Variants in VLDLR observed in about 807,000 individuals in gnomAD.
VLDLR encodes the protein very low-density lipoprotein receptor.
A neutral mutation model predicts 112.7 loss-of-function variants in VLDLR; 81 were observed. The ratio of observed to expected loss-of-function variants is 0.72; its 90% CI spans 0.60 to 0.86. The LOEUF is 0.86. Among genes scored for constraint, VLDLR ranks in the 40% least tolerant of loss-of-function variants. VLDLR has a pLI of 0.00. For synonymous variants in VLDLR, 436 were observed against 384.8 expected (o/e 1.13, Z -1.56); for missense variants, 1,237 against 1,099.4 (o/e 1.13, Z -1.77).
At chr9:2,646,147 G>T (rs1159949209) in intron 10 of VLDLR, among the ~76,000 whole-genome samples, 187 bp from the exon 11 acceptor site, 1 of 151,664 alleles carries the variant, frequency 6.6e-6, no homozygotes, top group Non-Finnish European at 1.5e-5. Context: ...CCAGCAACTA[G>T]ATAATCTACA....
chr9:2,644,046 T>A, intron 7 of VLDLR, 87 bp downstream of exon 7: 1 of 1,596,572 alleles, frequency 6.3e-7, no homozygotes, highest in Non-Finnish European at 8.6e-7. Context: ...CCGTGATGGC[T>A]AGTTAAACTT....
At chr9:2,630,143 A>G (rs552034843) in intron 1 of VLDLR, among the ~76,000 whole-genome samples, 187 of 152,280 alleles carry the variant, frequency 1.2e-3, no homozygotes, top group African/African-American at 3.3e-3. Flanking sequence ...GCCAGAGCAC[A>G]ATCTTTGTGC....
intron 13 of VLDLR, 152 bp downstream of exon 13, chr9:2,648,499 C>T (rs773788129): frequency 8.6e-6 from 13 of 1,504,054 alleles, no homozygotes; most frequent in Non-Finnish European, 1.2e-5. Context: ...GACACTAAGT[C>T]CCAGAAGCAC....
rs560378116 is a variant in VLDLR, at chr9:2,652,040, A to G, written c.2416+86A>G. The stretch of plus-strand genomic sequence containing the variant: ...TTGTTCATCTGGAGCTACCCCTTTC[A>G]TGGGCCTTTATGCTGTCTAGCATTT... On this transcript the variant is annotated intron_variant, in intron 17 of 18. Transcript: ENST00000382100. 8 of 1,185,074 alleles carry G rather than the reference A, an allele frequency of 6.8e-6. No individual in the cohort carries two copies. The East Asian group carries it at 9.6e-5, about 14-fold the overall frequency. The allele number at this position is 1,185,074 out of a possible 1,614,324, so 73.4% of individuals were successfully genotyped here.
intron 14 of VLDLR, among the ~76,000 whole-genome samples, chr9:2,650,100 C>T (rs977374948): frequency 6.6e-6 from 1 of 152,152 alleles, no homozygotes; most frequent in Non-Finnish European, 1.5e-5. Flanking sequence ...CCTCACCTCC[C>T]TTCCCCACCT....
At chr9:2,637,065 C>T (rs1318888656) in intron 2 of VLDLR, among the ~76,000 whole-genome samples, 1 of 152,128 alleles carries the variant, frequency 6.6e-6, no homozygotes, top group Non-Finnish European at 1.5e-5. Context: ...TATATCTAAT[C>T]AAGATCATTT....
Position 2,655,186 on chromosome 9 carries a change from C to G in VLDLR, c.*1318C>G, listed in dbSNP as rs1195795779. 6.6e-6 allele frequency: 1 copy of G among 152,150 alleles called. No individual in the cohort carries two copies. Among genetic ancestry groups the G allele is most frequent in the Non-Finnish European group, 1.5e-5 (1 of 68,034 alleles). 9.4% of individuals were successfully genotyped at this position (152,150 alleles called of 1,614,324 possible). A position where few individuals can be genotyped will look rare whatever the true frequency, so the allele number is the denominator to read the frequency against. ...ATGAAGAATATAATTGCAATATCAC[C>G]TAAATTTTTATCCTGGCTGGGATGG... On this transcript the variant is annotated 3_prime_UTR_variant, in exon 19 of 19. Transcript: ENST00000382100.
chr9:2,623,744 A>G (rs111865370), intron 1 of VLDLR, among the ~76,000 whole-genome samples: 1,638 of 152,248 alleles, frequency 0.011, 18 homozygotes, highest in Non-Finnish European at 0.017. Flanking sequence ...GAGACTCCAC[A>G]GGCTCTTACG....
In VLDLR at chr9:2,650,390, G is replaced by T. The variant is rs1172010868; in HGVS notation, c.2125G>T (p.Asp709Tyr). ...QPSGKNWCEE[D>Y]MENGGCEYLC... ...ACTAGGTAAAAATTGGTGTGAAGAA[G>T]ACATGGAGAATGGAGGATGTGAATA... The change falls in exon 15 of 19, where the codon GAC (aspartate) becomes TAC (tyrosine). Residue 709 changes from aspartate to tyrosine, a missense_variant. Coordinates refer to ENST00000382100, the MANE Select transcript of VLDLR (RefSeq NM_003383.5). The T allele has an allele frequency of 1.2e-6, 2 of 1,614,052 alleles. No homozygotes were observed. The highest frequency in any genetic ancestry group is 1.7e-6 in the Non-Finnish European group (2 of 1,180,006).
At position 2,646,540 on chromosome 9, in the gene VLDLR, A is replaced by G; in HGVS notation, c.1691A>G (p.Asp564Gly). ...CGAGAGCCTGCCTCCATAGCTGTGG[A>G]CCCACTGTCTGGGTTTGTAGTCTGT... is the stretch of plus-strand genomic sequence containing the variant. ...DLREPASIAV[D>G]PLSGFVYWSD... The change falls in exon 11 of 19, where the codon GAC becomes GGC. Residue 564 changes from aspartate to glycine, a missense_variant. Transcript: ENST00000382100. The G allele has an allele frequency of 6.2e-7, 1 of 1,614,024 alleles. No individual in the cohort carries two copies. Among genetic ancestry groups the G allele is most frequent in the Non-Finnish European group, 8.5e-7 (1 of 1,179,988 alleles).
chr9:2,622,116 G>T lies in VLDLR; in HGVS notation c.-74G>T, dbSNP rs1290815509. 7.2e-7 allele frequency: 1 copy of T among 1,397,182 alleles called. No homozygotes were observed. The highest frequency in any genetic ancestry group is 1.4e-5 in the South Asian group (1 of 71,700). The allele number at this position is 1,397,182 out of a possible 1,614,324, so 86.5% of individuals were successfully genotyped here. Reference sequence around the variant, plus strand: ...CGCCCCCACCTTCTTCCTCCTTTCGGAAGGACTGGTAACTTGTCGTGCGGA... The same window carrying T: ...CGCCCCCACCTTCTTCCTCCTTTCGTAAGGACTGGTAACTTGTCGTGCGGA... On this transcript the variant is annotated 5_prime_UTR_variant, in exon 1 of 19. Coordinates refer to ENST00000382100, the MANE Select transcript of VLDLR (RefSeq NM_003383.5).
In VLDLR at chr9:2,652,640, C is replaced by A. The variant is rs1021022000; in HGVS notation, c.2417-140C>A. 5.0e-6 allele frequency: 6 copies of A among 1,192,932 alleles called. No homozygotes were observed. The African/African-American group carries it at 7.6e-5, about 15-fold the overall frequency. The allele number at this position is 1,192,932 out of a possible 1,614,324, so 73.9% of individuals were successfully genotyped here. ...TTCAAGCTCCTGGCCCATGTGTATTCCAACTTCTAGTTATCCTAGCTCCAT... is the reference window on the plus strand; with the variant it reads ...TTCAAGCTCCTGGCCCATGTGTATTACAACTTCTAGTTATCCTAGCTCCAT... On this transcript the variant is annotated intron_variant, in intron 17 of 18. Coordinates refer to ENST00000382100, the MANE Select transcript of VLDLR (RefSeq NM_003383.5).
At position 2,646,551 on chromosome 9, in the gene VLDLR, G is replaced by C. The variant is rs1436423357; in HGVS notation, c.1702G>C (p.Gly568Arg). 6.2e-7 allele frequency: 1 copy of C among 1,614,052 alleles called. No homozygotes were observed. Residue 568 changes from glycine (G) to arginine (R), a missense_variant and splice_region_variant, in exon 11 of 19, where the codon GGC becomes CGC. Gly to Arg is a moderately radical substitution (Grantham distance 125). Coordinates refer to ENST00000382100, the MANE Select transcript of VLDLR (RefSeq NM_003383.5). The stretch of plus-strand genomic sequence containing the variant: ...CTCCATAGCTGTGGACCCACTGTCT[G>C]GGTTTGTAGTCTGTTTTCCATCACA... ...PASIAVDPLSGFVYWSDWGEP... is the reference protein window; with the variant it reads ...PASIAVDPLSRFVYWSDWGEP...
rs769188234 is a variant in VLDLR at position 2,643,959 on chromosome 9, C to T, written c.1066C>T (p.His356Tyr). The change falls in exon 7 of 19, where the codon CAT becomes TAT. Residue 356 changes from histidine to tyrosine, a missense_variant and splice_region_variant. Coordinates refer to ENST00000382100, the MANE Select transcript of VLDLR (RefSeq NM_003383.5). ...DWSDEPLKECHINECLVNNGG... is the reference protein window; with the variant it reads ...DWSDEPLKECYINECLVNNGG... ...GAGTGATGAGCCCCTGAAAGAGTGT[C>T]GTAAGTGTACTTGTTGTTCAAGTAC... 35 of 1,613,682 alleles carry T rather than the reference C, an allele frequency of 2.2e-5. No individual in the cohort carries two copies. Among genetic ancestry groups the T allele is most frequent in the Middle Eastern group, 1.6e-4 (1 of 6,084 alleles).
Position 2,621,818 on chromosome 9 carries a change from G to GCTCCGCTACCGGCTC in VLDLR, c.-368_-354dup. 1 of 498,762 alleles carries GCTCCGCTACCGGCTC rather than the reference G, an allele frequency of 2.0e-6. No homozygotes were observed. Among genetic ancestry groups the GCTCCGCTACCGGCTC allele is most frequent in the Non-Finnish European group, 3.8e-6 (1 of 261,210 alleles). The allele number at this position is 498,762 out of a possible 1,614,324, so 30.9% of individuals were successfully genotyped here. Reference sequence around the variant, plus strand: ...CTCTCCGGCCGCCGCCGGTGCGGGTGCTCCGCTACCGGCTCCTCTCCGTTC... The same window carrying GCTCCGCTACCGGCTC: ...CTCTCCGGCCGCCGCCGGTGCGGGTGCTCCGCTACCGGCTCCTCCGCTACCGGCTCCTCTCCGTTC... On this transcript the variant is annotated 5_prime_UTR_variant, in exon 1 of 19. Transcript: ENST00000382100.
chr9:2,643,081 A>G (rs1818570758), intron 4 of VLDLR, 79 bp from the exon 5 acceptor site: 7 of 1,588,722 alleles, frequency 4.4e-6, no homozygotes, highest in African/African-American at 1.3e-5. Flanking sequence ...ATAAAGATCA[A>G]TGTATTAGAT....
chr9:2,646,477 A>G lies in VLDLR; in HGVS notation c.1628A>G (p.Asp543Gly). 6.2e-7 allele frequency: 1 copy of G among 1,614,132 alleles called. No individual in the cohort carries two copies. The highest frequency in any genetic ancestry group is 1.1e-5 in the South Asian group (1 of 91,080). Residue 543 changes from aspartate to glycine, a missense_variant, in exon 11 of 19, where the codon GAT becomes GGT. Coordinates refer to ENST00000382100, the MANE Select transcript of VLDLR (RefSeq NM_003383.5). The stretch of plus-strand genomic sequence containing the variant: ...AAGACTATTTCAGTAGCTACCCTAG[A>G]TGGAACCAAGAGGAAGTTCCTGTTT... The part of the protein sequence containing the change: ...ASKTISVATL[D>G]GTKRKFLFNS...
At chr9:2,649,332 C>T (rs938482755) in intron 14 of VLDLR, among the ~76,000 whole-genome samples, 4 of 152,288 alleles carry the variant, frequency 2.6e-5, no homozygotes, top group East Asian at 1.9e-4. Context: ...GCTCTTCCCC[C>T]TTTGTCTCTT....
chr9:2,627,646 C>G (rs1369707603), intron 1 of VLDLR, among the ~76,000 whole-genome samples: 1 of 151,970 alleles, frequency 6.6e-6, no homozygotes, highest in Non-Finnish European at 1.5e-5. Flanking sequence ...AGGCAGATCA[C>G]GAGGTCAGGA....
Sources: allele counts gnomAD v4.1 joint callset (sites outside exome capture counted in the v4.1 genomes callset), GRCh38; gene constraint gnomAD v4.1.1; transcripts MANE v1.5; gene names NCBI Gene and HGNC (gene_info 2026-07-23, HGNC 2026-07-21).